CCDC125: variants seen among roughly 807,000 people sequenced by gnomAD.
The protein encoded by CCDC125 is coiled-coil domain containing 125.
In CCDC125, 43 loss-of-function variants were observed where a neutral mutation model predicts 57.4. The ratio of observed to expected loss-of-function variants is 0.75; its 90% CI spans 0.59 to 0.97. The LOEUF is 0.97. CCDC125 is among the 50% of genes least tolerant of loss of function. CCDC125 has a pLI of 0.00. For missense variants in CCDC125, 563 were observed against 595.7 expected, an observed-to-expected ratio of 0.95 and a Z score of 0.57; for synonymous variants, 187 against 195.2, an observed-to-expected ratio of 0.96 and a Z score of 0.35.
At chr5:69,313,571 A>G in intron 3 of CCDC125, 1 of 742,040 alleles carries the variant, frequency 1.3e-6, no homozygotes, top group Non-Finnish European at 2.5e-6. Flanking sequence ...CAGAAGATAA[A>G]CACCAGGTCC....
At position 69,298,454 on chromosome 5, in the gene CCDC125, G is replaced by A. The variant is rs147229869; in HGVS notation, c.816+1558C>T. On this transcript the variant is annotated intron_variant, in intron 8 of 11. Coordinates refer to ENST00000396496, the MANE Select transcript of CCDC125 (RefSeq NM_176816.5). The stretch of plus-strand genomic sequence containing the variant: ...TCTTTCTCACATCAGTGATAACCGT[G>A]AAGCACGGAGTGAGCTTTCAGTTGA... Among the ~76,000 whole-genome samples the A allele has an allele frequency of 1.5e-4, 23 of 152,346 alleles. No individual in the cohort carries two copies. The East Asian group carries it at 4.4e-3, about 29-fold the overall frequency.
At chr5:69,302,324 A>T (rs1446032474) in intron 7 of CCDC125, among the ~76,000 whole-genome samples, 1 of 134,512 alleles carries the variant, frequency 7.4e-6, no homozygotes, top group East Asian at 2.5e-4. Context: ...TGGGAGGCTG[A>T]GGCAGGAGGA....
chr5:69,304,000 C>A, intron 6 of CCDC125, 71 bp from the exon 7 acceptor site: 3 of 816,170 alleles, frequency 3.7e-6, no homozygotes, highest in Admixed American at 2.9e-5. Context: ...TTTTTATTGC[C>A]ATAATTGGAA....
At chr5:69,286,188 C>CATATA (rs1491467969) in intron 10 of CCDC125, among the ~76,000 whole-genome samples, 1 of 51,332 alleles carries the variant, frequency 1.9e-5, no homozygotes, top group African/African-American at 7.9e-5. Context: ...AAATGGTAAA[C>CATATA]TATATATATA....
At chr5:69,326,465 G>A (rs1333742231) in intron 1 of CCDC125, among the ~76,000 whole-genome samples, 1 of 152,074 alleles carries the variant, frequency 6.6e-6, no homozygotes, top group Admixed American at 6.6e-5. Flanking sequence ...GAGAGGCTGT[G>A]TTTTACCTCT....
At chr5:69,303,328 G>C (rs1229443878) in intron 7 of CCDC125, among the ~76,000 whole-genome samples, 1 of 149,808 alleles carries the variant, frequency 6.7e-6, no homozygotes, top group Non-Finnish European at 1.5e-5. Context: ...GGGATTACAG[G>C]CATGAGTCAC....
At chr5:69,286,235 A>AT (rs537310652) in intron 10 of CCDC125, among the ~76,000 whole-genome samples, 1,629 of 38,048 alleles carry the variant, frequency 0.043, 150 homozygotes, top group East Asian at 0.38. Context: ...TATATATATA[A>AT]TTTTTTTTTT....
intron 10 of CCDC125, among the ~76,000 whole-genome samples, chr5:69,290,998 T>C (rs1483294670): frequency 7.2e-5 from 11 of 152,206 alleles, no homozygotes; most frequent in African/African-American, 2.4e-4. Context: ...TTACAAGATG[T>C]GTATTAGTCT....
At chr5:69,292,829 T>C (rs1225924362) in intron 9 of CCDC125, among the ~76,000 whole-genome samples, 1 of 151,932 alleles carries the variant, frequency 6.6e-6, no homozygotes, top group Non-Finnish European at 1.5e-5. Context: ...TTCTTCTATT[T>C]TTTTCTTCTT....
chr5:69,307,807 C>T, intron 5 of CCDC125, 144 bp downstream of exon 5: 1 of 632,060 alleles, frequency 1.6e-6, no homozygotes, highest in Admixed American at 2.7e-5. Flanking sequence ...AGATTGTAAA[C>T]TCCAAAAGGG....
chr5:69,308,387 G>A (rs1428358848), intron 4 of CCDC125: 4 of 264,748 alleles, frequency 1.5e-5, no homozygotes, highest in South Asian at 5.0e-5. Flanking sequence ...GAGAGGACCC[G>A]GTGGGAGATA....
chr5:69,273,869 G>A, the CCDC125 span, among the ~76,000 whole-genome samples: 5 of 152,168 alleles, frequency 3.3e-5, no homozygotes, highest in Admixed American at 6.5e-5. Flanking sequence ...TGTGTGCTAT[G>A]TGAATATATA....
chr5:69,284,534 CCT>C (rs761554820), intron 11 of CCDC125, among the ~76,000 whole-genome samples: 5 of 152,036 alleles, frequency 3.3e-5, no homozygotes, highest in Admixed American at 1.3e-4. Context: ...ACAGGAGCCC[CCT>C]GTTTTCCAAG....
At chr5:69,325,357 C>T (rs1580245217) in intron 1 of CCDC125, among the ~76,000 whole-genome samples, 1 of 150,648 alleles carries the variant, frequency 6.6e-6, no homozygotes, top group South Asian at 2.1e-4. Context: ...GTAATAATAC[C>T]TAGCACTTGT....
chr5:69,314,078 G>C, intron 2 of CCDC125, 32 bp from the exon 3 acceptor site: 1 of 1,480,864 alleles, frequency 6.8e-7, no homozygotes. Context: ...ATCTATTAGG[G>C]GAAAAATTTT....
At position 69,290,280 on chromosome 5, in the gene CCDC125, TTTA is replaced by T. The variant is rs776480974; in HGVS notation, c.1099+1905_1099+1907del. On this transcript the variant is annotated intron_variant, in intron 10 of 11. Transcript: ENST00000396496. ...TGGCTATCTACTATAAAGCTTTCAT[TTTA>T]TTATTATTATTATTATTACTATTAT... 1.9e-3 allele frequency among the ~76,000 whole-genome samples: 293 copies of T among 150,838 alleles called. 3 individuals are homozygous for T. Among genetic ancestry groups the T allele is most frequent in the African/African-American group, 6.2e-3 (254 of 41,174 alleles).
chr5:69,282,614 T>C lies in CCDC125; in HGVS notation c.*115A>G. The C allele has an allele frequency of 4.7e-6, 4 of 849,172 alleles. No homozygotes were observed. Among genetic ancestry groups the C allele is most frequent in the Non-Finnish European group, 7.2e-6 (4 of 557,212 alleles). 52.6% of individuals were successfully genotyped at this position (849,172 alleles called of 1,614,324 possible). A position where few individuals can be genotyped will look rare whatever the true frequency, so the allele number is the denominator to read the frequency against. On this transcript the variant is annotated 3_prime_UTR_variant, in exon 12 of 12. Transcript: ENST00000396496. Reference sequence around the variant, plus strand: ...ATTTGATTTAAGTGACCTCCTAAAATTTAGAAATACCTAGGAAACATACAA... The same window carrying C: ...ATTTGATTTAAGTGACCTCCTAAAACTTAGAAATACCTAGGAAACATACAA...
At chr5:69,303,320 GAT>G (rs1251848489) in intron 7 of CCDC125, among the ~76,000 whole-genome samples, 16 of 150,440 alleles carry the variant, frequency 1.1e-4, no homozygotes, top group African/African-American at 2.0e-4. Context: ...AAAGTTCTGG[GAT>G]TACAGGCATG....
rs967963367 is a variant in CCDC125 at position 69,327,353 on chromosome 5, C to G, written c.-41+5296G>C. On this transcript the variant is annotated intron_variant, in intron 1 of 11. Transcript: ENST00000396496. ...TCATGATCTGCCTGCCTCGGTCTCC[C>G]AAAGTGCTGGGATTACAGGCATGAG... Among the ~76,000 whole-genome samples, 4 of 152,202 alleles carry G rather than the reference C, an allele frequency of 2.6e-5. No homozygotes were observed. The East Asian group carries it at 7.7e-4, about 29-fold the overall frequency.
Sources: gnomAD v4.1 joint callset for allele counts (sites outside exome capture counted in the v4.1 genomes callset) on GRCh38, gnomAD v4.1.1 for gene constraint, MANE v1.5 for transcripts, NCBI Gene and HGNC (gene_info 2026-07-23, HGNC 2026-07-21) for gene names.